UBAC2: variants seen among roughly 807,000 people sequenced by gnomAD.
The protein encoded by UBAC2 is UBA domain containing 2, also known as ubiquitin-associated domain-containing protein 2.
A neutral mutation model predicts 44.0 loss-of-function variants in UBAC2; 26 were observed. The ratio of observed to expected loss-of-function variants is 0.59; its 90% CI spans 0.43 to 0.82. The LOEUF is 0.82. Among genes scored for constraint, UBAC2 ranks in the 40% least tolerant of loss-of-function variants. UBAC2 has a pLI of 0.00. For missense variants in UBAC2, 329 were observed against 419.4 expected, an observed-to-expected ratio of 0.78 and a Z score of 1.88; for synonymous variants, 155 against 154.3, an observed-to-expected ratio of 1.00 and a Z score of -0.04.
chr13:99,299,317 C>T (rs965283617), intron 4 of UBAC2, among the ~76,000 whole-genome samples: 4 of 152,178 alleles, frequency 2.6e-5, no homozygotes, highest in African/African-American at 9.7e-5. Context: ...TACAGGAATA[C>T]AGCCATGCAG....
chr13:99,331,391 G>A (rs115826004), intron 6 of UBAC2, among the ~76,000 whole-genome samples: 1,827 of 152,260 alleles, frequency 0.012, 45 homozygotes, highest in African/African-American at 0.041. Context: ...TTCCCAAAAG[G>A]AAAAGCCTAG....
At chr13:99,225,145 T>C (rs979458591) in intron 1 of UBAC2, among the ~76,000 whole-genome samples, 1 of 152,224 alleles carries the variant, frequency 6.6e-6, no homozygotes, top group East Asian at 1.9e-4. Flanking sequence ...AATTTTTAAT[T>C]GTGGTAAAAT....
chr13:99,258,045 G>A (rs1234705632), intron 4 of UBAC2: 3 of 152,222 alleles, frequency 2.0e-5, no homozygotes, highest in African/African-American at 4.8e-5. Context: ...AGTTACAGGC[G>A]TGGGCCATTG....
At chr13:99,260,152 CTTTCTCTGCCATCCGAAGCTGGGCTGG>C (rs933449378) in intron 4 of UBAC2, among the ~76,000 whole-genome samples, 8 of 152,304 alleles carry the variant, frequency 5.3e-5, no homozygotes, top group African/African-American at 1.9e-4. Flanking sequence ...TTTCAGGAAG[CTTTCTCTGCCATCCGAAGCTGGGCTGG>C]TTTCTCTGCC....
intron 6 of UBAC2, among the ~76,000 whole-genome samples, chr13:99,338,900 G>C (rs1429766180): frequency 6.6e-6 from 1 of 152,044 alleles, no homozygotes; most frequent in Non-Finnish European, 1.5e-5. Context: ...CTCTTCACTG[G>C]CAGCCCTGTC....
At chr13:99,320,527 A>T (rs1566501302) in intron 6 of UBAC2, among the ~76,000 whole-genome samples, 1 of 152,220 alleles carries the variant, frequency 6.6e-6, no homozygotes, top group Non-Finnish European at 1.5e-5. Context: ...ATGACAAAAA[A>T]TCTGATAAAT....
In UBAC2 at chr13:99,210,154, C is replaced by T. The variant is rs529766033; in HGVS notation, c.31+9215C>T. 2.6e-5 allele frequency among the ~76,000 whole-genome samples: 4 copies of T among 152,130 alleles called. No individual in the cohort carries two copies. In the East Asian group the frequency reaches 7.7e-4, roughly 29 times the overall value. ...GTCCTAGCATTTCATTTAATTTATTCGTCTTTTCTTTTTCTATACACTTAT... is the reference window on the plus strand; with the variant it reads ...GTCCTAGCATTTCATTTAATTTATTTGTCTTTTCTTTTTCTATACACTTAT... On this transcript the variant is annotated intron_variant, in intron 1 of 8. Transcript: ENST00000403766.
intron 4 of UBAC2, among the ~76,000 whole-genome samples, chr13:99,248,189 C>T (rs2043412537): frequency 6.6e-6 from 1 of 152,090 alleles, no homozygotes; most frequent in Non-Finnish European, 1.5e-5. Flanking sequence ...CCACACTACT[C>T]TCCTGATATT....
chr13:99,334,485 G>A (rs2044759209), intron 6 of UBAC2, among the ~76,000 whole-genome samples: 3 of 152,112 alleles, frequency 2.0e-5, no homozygotes, highest in African/African-American at 4.8e-5. Flanking sequence ...GTTAAAGTTG[G>A]AGTTTCCAAG....
chr13:99,210,596 G>C (rs1483948584), intron 1 of UBAC2, among the ~76,000 whole-genome samples: 3 of 151,274 alleles, frequency 2.0e-5, no homozygotes, highest in Non-Finnish European at 2.9e-5. Context: ...TTCTGCCTCA[G>C]CCTCCTGAGT....
chr13:99,356,203 C>G (rs1367549874), intron 7 of UBAC2: 2 of 534,604 alleles, frequency 3.7e-6, no homozygotes, highest in Non-Finnish European at 7.7e-6. Context: ...TCCCGATGTA[C>G]TCTGTAGATG....
intron 6 of UBAC2, among the ~76,000 whole-genome samples, chr13:99,335,713 G>C (rs904632968): frequency 2.6e-5 from 4 of 152,230 alleles, no homozygotes; most frequent in African/African-American, 9.6e-5. Context: ...CTCTGCAGCT[G>C]TTCCCCTCTT....
intron 4 of UBAC2, among the ~76,000 whole-genome samples, chr13:99,257,979 A>C (rs1000090102): frequency 6.6e-6 from 1 of 152,224 alleles, no homozygotes; most frequent in African/African-American, 2.4e-5. Flanking sequence ...ACGGGGTCTC[A>C]CTATGGTGCT....
intron 1 of UBAC2, among the ~76,000 whole-genome samples, chr13:99,218,628 G>T (rs191380271): frequency 6.6e-6 from 1 of 152,150 alleles, no homozygotes; most frequent in African/African-American, 2.4e-5. Flanking sequence ...CGGTTGTCTG[G>T]GGACCTGTAT....
At chr13:99,247,387 T>C (rs1303819000) in intron 4 of UBAC2, among the ~76,000 whole-genome samples, 4 of 151,924 alleles carry the variant, frequency 2.6e-5, no homozygotes, top group African/African-American at 9.6e-5. Context: ...GCTAATTTTT[T>C]GTATTTTTAG....
chr13:99,204,392 G>A (rs2042842954), intron 1 of UBAC2, among the ~76,000 whole-genome samples: 1 of 152,152 alleles, frequency 6.6e-6, no homozygotes. Flanking sequence ...ACAGGGCTTG[G>A]CAGAGAGGCA....
rs2044147039 is a variant in UBAC2 at position 99,295,037 on chromosome 13, T to C, written c.390-19060T>C. 1 of 1,602,610 alleles carries C rather than the reference T, an allele frequency of 6.2e-7. No homozygotes were observed. Among genetic ancestry groups the C allele is most frequent in the African/African-American group, 1.3e-5 (1 of 74,480 alleles). On this transcript the variant is annotated intron_variant, in intron 4 of 8. Coordinates refer to ENST00000403766, the MANE Select transcript of UBAC2 (RefSeq NM_001144072.2). This position sits in a 1 kb window ranked among gnomAD's most constrained non-coding sequence, Gnocchi z 4.1. ...AAGTTTGTCATACAGTTTACGTCACTATAAACCAAAATACAATCCATTTCA... is the reference window on the plus strand; with the variant it reads ...AAGTTTGTCATACAGTTTACGTCACCATAAACCAAAATACAATCCATTTCA...
At chr13:99,305,136 T>C (rs2044313537) in intron 4 of UBAC2, among the ~76,000 whole-genome samples, 2 of 152,250 alleles carry the variant, frequency 1.3e-5, no homozygotes, top group African/African-American at 4.8e-5. Context: ...AAAAAGATGG[T>C]GAATATCTAG....
intron 4 of UBAC2, among the ~76,000 whole-genome samples, chr13:99,248,093 C>T (rs1387212256): frequency 6.6e-6 from 1 of 152,206 alleles, no homozygotes; most frequent in African/African-American, 2.4e-5. Context: ...GCTCTTTTCT[C>T]AAGCTTTTTG....
Sources: gnomAD v4.1 joint callset for allele counts (sites outside exome capture counted in the v4.1 genomes callset) on GRCh38, gnomAD v4.1.1 for gene constraint, Gnocchi (gnomAD v3.1) non-coding constraint, MANE v1.5 for transcripts, NCBI Gene and HGNC (gene_info 2026-07-23, HGNC 2026-07-21) for gene names.